The following ZNF224 variants were observed in gnomAD, a reference collection of about 807,000 sequenced individuals.
The protein encoded by ZNF224 is bone marrow zinc finger 2.
A neutral mutation model predicts 10.5 loss-of-function variants in ZNF224; 8 were observed. The observed-to-expected ratio is 0.76, with a 90% CI of 0.45 to 1.37. The LOEUF is 1.37. Among genes scored for constraint, ZNF224 ranks in the 40% most tolerant of loss-of-function variants. The pLI, the probability that ZNF224 is intolerant of heterozygous loss-of-function variation, is 0.00. For missense variants in ZNF224, 754 were observed against 854.0 expected, an observed-to-expected ratio of 0.88 and a Z score of 1.46; for synonymous variants, 282 against 287.8, an observed-to-expected ratio of 0.98 and a Z score of 0.20.
chr19:44,107,482 TG>T lies in ZNF224; in HGVS notation c.1324del (p.Asp442IlefsTer31). The T allele has an allele frequency of 6.2e-7, 1 of 1,602,602 alleles. No homozygotes were observed. Among genetic ancestry groups the T allele is most frequent in the Non-Finnish European group, 8.5e-7 (1 of 1,175,378 alleles). Reference protein sequence around the residue: ...VECGKGYKRRLDLDFHQRVHT... With the variant: ...VECGKGYKRRXDLDFHQRVHT... ...TGTGGGAAGGGCTACAAAAGGAGGTTGGATCTTGACTTTCACCAGCGCGTCC... is the reference window on the plus strand; with the variant it reads ...TGTGGGAAGGGCTACAAAAGGAGGTTGATCTTGACTTTCACCAGCGCGTCC... On this transcript the variant is annotated frameshift_variant, in exon 6 of 6. Coordinates refer to ENST00000693561, the MANE Select transcript of ZNF224 (RefSeq NM_001321645.3). LOFTEE classifies it low-confidence loss of function (END_TRUNC).
At chr19:44,103,560 C>T (rs551661820) in intron 5 of ZNF224, among the ~76,000 whole-genome samples, 1 of 152,150 alleles carries the variant, frequency 6.6e-6, no homozygotes, top group African/African-American at 2.4e-5. Context: ...TTTTCTAGTT[C>T]TTTTTTTCTA....
At chr19:44,103,234 A>G (rs1450688625) in intron 5 of ZNF224, among the ~76,000 whole-genome samples, 4 of 152,198 alleles carry the variant, frequency 2.6e-5, no homozygotes, top group African/African-American at 9.7e-5. Flanking sequence ...TCTTCTCCCC[A>G]AAAACCTCTT....
chr19:44,101,146 C>G lies in ZNF224; in HGVS notation c.156C>G (p.Phe52Leu). ...RNLLSVGHQA[F>L]HRDTFHFLRE... ...GCCTGTTTGCAGGACATCAAGCATT[C>G]CACAGGGATACTTTCCACTTCCTAA... Residue 52 changes from phenylalanine (F) to leucine (L), a missense_variant, in exon 5 of 6, where the codon TTC (phenylalanine) becomes TTG (leucine). Transcript: ENST00000693561. 1 of 1,614,074 alleles carries G rather than the reference C, an allele frequency of 6.2e-7. No homozygotes were observed. The highest frequency in any genetic ancestry group is 1.1e-5 in the South Asian group (1 of 91,070).
chr19:44,100,029 T>C (rs559565929), intron 3 of ZNF224, among the ~76,000 whole-genome samples: 4 of 149,870 alleles, frequency 2.7e-5, no homozygotes, highest in Non-Finnish European at 5.9e-5. Flanking sequence ...AGACATGAGA[T>C]AAAATCGACA....
At chr19:44,100,463 A>C (rs1967524197) in intron 3 of ZNF224, among the ~76,000 whole-genome samples, 1 of 152,228 alleles carries the variant, frequency 6.6e-6, no homozygotes, top group African/African-American at 2.4e-5. Flanking sequence ...CTGAATTGCT[A>C]AATGTTGCTG....
rs762489258 is a variant in ZNF224, at chr19:44,097,831, G to A, written c.-43G>A. ...GCACAATTCTGCTTTCCCAGGAACT[G>A]CATCACTCAGGACTCTGCAAGTTTC... On this transcript the variant is annotated 5_prime_UTR_variant, in exon 3 of 6. Transcript: ENST00000693561. The A allele has an allele frequency of 1.2e-6, 2 of 1,611,618 alleles. No individual in the cohort carries two copies. Among genetic ancestry groups the A allele is most frequent in the Non-Finnish European group, 8.5e-7 (1 of 1,178,812 alleles).
Position 44,109,159 on chromosome 19 carries a change from T to C in ZNF224, c.*875T>C, listed in dbSNP as rs1967774894. 6.4e-6 allele frequency: 1 copy of C among 155,400 alleles called. No individual in the cohort carries two copies. The highest frequency in any genetic ancestry group is 6.3e-5 in the Admixed American group (1 of 15,900). 9.6% of individuals were successfully genotyped at this position (155,400 alleles called of 1,614,324 possible). The stretch of plus-strand genomic sequence containing the variant: ...TAACAGACCACTGCATATTTCACAA[T>C]TAAGTGTTTTCAACAGTATTAAGGC... On this transcript the variant is annotated 3_prime_UTR_variant, in exon 6 of 6. Transcript: ENST00000693561.
At chr19:44,100,090 C>G (rs970702988) in intron 3 of ZNF224, among the ~76,000 whole-genome samples, 1 of 152,180 alleles carries the variant, frequency 6.6e-6, no homozygotes, top group Non-Finnish European at 1.5e-5. Context: ...TTCAGTCTTG[C>G]TACACACTTT....
Position 44,107,673 on chromosome 19 carries a change from G to T in ZNF224, c.1513G>T (p.Val505Phe). The T allele has an allele frequency of 6.2e-7, 1 of 1,613,946 alleles. No individual in the cohort carries two copies. Among genetic ancestry groups the T allele is most frequent in the African/African-American group, 1.3e-5 (1 of 74,926 alleles). ...TTCACATCTTCATTCCCATCAGAGA[G>T]TTCACACTGGAGAAAAGCCATACAA... Reference protein sequence around the residue: ...QNSHLHSHQRVHTGEKPYKCE... With the variant: ...QNSHLHSHQRFHTGEKPYKCE... The change falls in exon 6 of 6, where the codon GTT becomes TTT. Residue 505 changes from valine to phenylalanine, a missense_variant. Physicochemically the swap from Val to Phe is conservative, Grantham distance 50. Coordinates refer to ENST00000693561, the MANE Select transcript of ZNF224 (RefSeq NM_001321645.3).
chr19:44,106,150 T>A (rs1387231535), intron 5 of ZNF224: 2 of 514,398 alleles, frequency 3.9e-6, no homozygotes, highest in Non-Finnish European at 6.9e-6. Flanking sequence ...TAAGCGTTTC[T>A]TCTCACCACA....
chr19:44,101,145 T>C lies in ZNF224; in HGVS notation c.155T>C (p.Phe52Ser), dbSNP rs1967542022. 1 of 1,614,104 alleles carries C rather than the reference T, an allele frequency of 6.2e-7. No homozygotes were observed. Among genetic ancestry groups the C allele is most frequent in the Non-Finnish European group, 8.5e-7 (1 of 1,179,984 alleles). Residue 52 changes from phenylalanine (F) to serine (S), a missense_variant, in exon 5 of 6, where the codon TTC becomes TCC. Physicochemically the swap from Phe to Ser is radical, Grantham distance 155. Coordinates refer to ENST00000693561, the MANE Select transcript of ZNF224 (RefSeq NM_001321645.3). ...TGCCTGTTTGCAGGACATCAAGCAT[T>C]CCACAGGGATACTTTCCACTTCCTA... ...RNLLSVGHQA[F>S]HRDTFHFLRE...
Position 44,094,515 on chromosome 19 carries a change from T to A in ZNF224, c.-173T>A, listed in dbSNP as rs1967399287. The A allele has an allele frequency of 6.6e-6, 1 of 152,458 alleles. No homozygotes were observed. The highest frequency in any genetic ancestry group is 2.4e-5 in the African/African-American group (1 of 41,450). 9.4% of individuals were successfully genotyped at this position (152,458 alleles called of 1,614,324 possible). A position where few individuals can be genotyped will look rare whatever the true frequency, so the allele number is the denominator to read the frequency against. On this transcript the variant is annotated 5_prime_UTR_variant, in exon 1 of 6. Coordinates refer to ENST00000693561, the MANE Select transcript of ZNF224 (RefSeq NM_001321645.3). ...TGATCGAATTAGGGGAAAAGGGGCC[T>A]CGTCGGAGAGTAGAGGTTTGGAGGG...
intron 5 of ZNF224, among the ~76,000 whole-genome samples, chr19:44,101,908 C>T (rs773889688): frequency 2.4e-4 from 37 of 152,268 alleles, no homozygotes; most frequent in Non-Finnish European, 4.1e-4. Context: ...AGTCATGCTC[C>T]CTCTGCCACT....
At chr19:44,106,269 A>T in intron 5 of ZNF224, 127 bp from the exon 6 acceptor site, 1 of 973,506 alleles carries the variant, frequency 1.0e-6, no homozygotes, top group African/African-American at 1.6e-5. Flanking sequence ...ATTATGGTGC[A>T]CTTGAAAAAT....
At position 44,107,172 on chromosome 19, in the gene ZNF224, C is replaced by A; in HGVS notation, c.1012C>A (p.His338Asn). Residue 338 changes from histidine (H) to asparagine (N), a missense_variant, in exon 6 of 6, where the codon CAC (histidine) becomes AAC (asparagine). Coordinates refer to ENST00000693561, the MANE Select transcript of ZNF224 (RefSeq NM_001321645.3). ...AGCACTTAATAGTCATCGCATGATC[C>A]ACACAGGAGAGAAACCATACAAATG... ...RSALNSHRMI[H>N]TGEKPYKCEE... is the part of the protein sequence containing the mutation. 1 of 1,606,112 alleles carries A rather than the reference C, an allele frequency of 6.2e-7. No homozygotes were observed. The highest frequency in any genetic ancestry group is 8.5e-7 in the Non-Finnish European group (1 of 1,176,096).
rs970671153 is a variant in ZNF224 at position 44,108,608 on chromosome 19, C to T, written c.*324C>T. 58 of 476,642 alleles carry T rather than the reference C, an allele frequency of 1.2e-4. No homozygotes were observed. Among genetic ancestry groups the T allele is most frequent in the Non-Finnish European group, 2.2e-4 (52 of 237,042 alleles). The allele number at this position is 476,642 out of a possible 1,614,324, so 29.5% of individuals were successfully genotyped here. On this transcript the variant is annotated 3_prime_UTR_variant, in exon 6 of 6. Coordinates refer to ENST00000693561, the MANE Select transcript of ZNF224 (RefSeq NM_001321645.3). ...TTACAGCTATCATTCAGGAGACAGG[C>T]CTTAGAAAGAGTAAGAGTTCATGAA...
rs143135407 is a variant in ZNF224 at position 44,109,686 on chromosome 19, A to G, written c.*1402A>G. 7 of 152,332 alleles carry G rather than the reference A, an allele frequency of 4.6e-5. No individual in the cohort carries two copies. The highest frequency in any genetic ancestry group is 1.7e-4 in the African/African-American group (7 of 41,580). The allele number at this position is 152,332 out of a possible 1,614,324, so 9.4% of individuals were successfully genotyped here. A position where few individuals can be genotyped will look rare whatever the true frequency, so the allele number is the denominator to read the frequency against. On this transcript the variant is annotated 3_prime_UTR_variant, in exon 6 of 6. Coordinates refer to ENST00000693561, the MANE Select transcript of ZNF224 (RefSeq NM_001321645.3). ...GAAAGAACAAGTGTTCAAGAACAGG[A>G]ATTTGTGTGAATTGCATTTATTCCT...
Position 44,108,381 on chromosome 19 carries a change from T to G in ZNF224, c.*97T>G. The G allele has an allele frequency of 8.2e-7, 1 of 1,222,564 alleles. No homozygotes were observed. The highest frequency in any genetic ancestry group is 1.1e-6 in the Non-Finnish European group (1 of 886,736). 75.7% of individuals were successfully genotyped at this position (1,222,564 alleles called of 1,614,324 possible). On this transcript the variant is annotated 3_prime_UTR_variant, in exon 6 of 6. Coordinates refer to ENST00000693561, the MANE Select transcript of ZNF224 (RefSeq NM_001321645.3). ...GAGACACATTAAAATATGAGGCACATAGTAAGCACTTCCCTTTGAGTATTT... is the reference window on the plus strand; with the variant it reads ...GAGACACATTAAAATATGAGGCACAGAGTAAGCACTTCCCTTTGAGTATTT...
In ZNF224 at chr19:44,096,364, C is replaced by T. The variant is rs1967435446; in HGVS notation, c.-136C>T. 1.3e-5 allele frequency: 2 copies of T among 152,144 alleles called. No homozygotes were observed. Among genetic ancestry groups the T allele is most frequent in the Admixed American group, 1.3e-4 (2 of 15,282 alleles). 9.4% of individuals were successfully genotyped at this position (152,144 alleles called of 1,614,324 possible). ...TCAGCTGAATACCACTAGAAACATA[C>T]CTGTAACCAGAGACAGCTGATTATA... is the stretch of plus-strand genomic sequence containing the variant. On this transcript the variant is annotated 5_prime_UTR_variant, in exon 2 of 6. Coordinates refer to ENST00000693561, the MANE Select transcript of ZNF224 (RefSeq NM_001321645.3).
Sources: allele counts gnomAD v4.1 joint callset (sites outside exome capture counted in the v4.1 genomes callset), GRCh38; gene constraint gnomAD v4.1.1; transcripts MANE v1.5; gene names NCBI Gene and HGNC (gene_info 2026-07-23, HGNC 2026-07-21).